The following FRMD3 variants were observed in gnomAD, a reference collection of about 807,000 sequenced individuals.
The protein encoded by FRMD3 is FERM domain containing 3.
Under a neutral mutation model 70.2 loss-of-function variants are expected in FRMD3, and 33 were observed. That is an observed-to-expected ratio of 0.47 (90% CI 0.36 to 0.63). The LOEUF is 0.63. FRMD3 is among the 20% of genes least tolerant of loss of function. The pLI is 0.00. For missense variants in FRMD3, 632 were observed against 711.4 expected (o/e 0.89, Z 1.27); for synonymous variants, 279 against 255.9 (o/e 1.09, Z -0.86).
chr9:83,379,292 A>G (rs1390164843), intron 2 of FRMD3, among the ~76,000 whole-genome samples: 2 of 152,094 alleles, frequency 1.3e-5, no homozygotes, highest in East Asian at 1.9e-4. Context: ...AATAACCACC[A>G]TGATGTGGCA....
chr9:83,531,459 A>G (rs1829790075), intron 1 of FRMD3, among the ~76,000 whole-genome samples: 2 of 152,246 alleles, frequency 1.3e-5, no homozygotes, highest in Admixed American at 6.5e-5. Context: ...TATACTTAAT[A>G]TAAAGAGCTG....
At chr9:83,569,413 C>T in the FRMD3 span, among the ~76,000 whole-genome samples, 1 of 152,192 alleles carries the variant, frequency 6.6e-6, no homozygotes, top group Non-Finnish European at 1.5e-5. Flanking sequence ...GTGTCCCAGC[C>T]CACCCACAGG....
At chr9:83,381,112 G>A (rs1825338378) in intron 2 of FRMD3, among the ~76,000 whole-genome samples, 1 of 152,154 alleles carries the variant, frequency 6.6e-6, no homozygotes, top group East Asian at 1.9e-4. Flanking sequence ...AGATTATAAG[G>A]CTATAGCGAG....
chr9:83,441,048 A>G (rs1045333264), intron 1 of FRMD3, among the ~76,000 whole-genome samples: 2 of 152,172 alleles, frequency 1.3e-5, no homozygotes, highest in Admixed American at 1.3e-4. Context: ...GGTAGCATGC[A>G]AGATAAAGCC....
rs531060161 is a variant in FRMD3, at chr9:83,482,037, T to C, written c.147+56048A>G. Among the ~76,000 whole-genome samples, 34 of 149,828 alleles carry C rather than the reference T, an allele frequency of 2.3e-4. No homozygotes were observed. The South Asian group carries it at 7.0e-3, about 31-fold the overall frequency. ...AAAGGGAAGCCTAACAAATTAGACATAAAACAAAAGAAAACAAAAGACAGC... is the reference window on the plus strand; with the variant it reads ...AAAGGGAAGCCTAACAAATTAGACACAAAACAAAAGAAAACAAAAGACAGC... On this transcript the variant is annotated intron_variant, in intron 1 of 13. Coordinates refer to ENST00000304195, the MANE Select transcript of FRMD3 (RefSeq NM_174938.6).
chr9:83,259,347 G>A (rs1324395907), intron 13 of FRMD3, among the ~76,000 whole-genome samples: 2 of 152,134 alleles, frequency 1.3e-5, no homozygotes, highest in African/African-American at 4.8e-5. Context: ...TCTTTGCTGA[G>A]GATTTAGCAG....
intron 1 of FRMD3, among the ~76,000 whole-genome samples, chr9:83,400,922 G>C (rs1032235047): frequency 4.6e-5 from 7 of 152,100 alleles, no homozygotes; most frequent in African/African-American, 1.7e-4. Flanking sequence ...TCTTAGTATA[G>C]TCTGTGATCT....
intron 1 of FRMD3, among the ~76,000 whole-genome samples, chr9:83,449,200 G>A (rs1298604436): frequency 3.9e-5 from 6 of 152,188 alleles, no homozygotes; most frequent in Non-Finnish European, 7.3e-5. Context: ...TCTGGACTCC[G>A]GTATGTCGCA....
intron 1 of FRMD3, among the ~76,000 whole-genome samples, chr9:83,434,783 C>T (rs1029129255): frequency 1.5e-4 from 22 of 150,378 alleles, no homozygotes; most frequent in African/African-American, 4.9e-4. Flanking sequence ...ACAGAAGATG[C>T]CAACATCTGA....
rs550930173 is a variant in FRMD3 at position 83,341,247 on chromosome 9, G to A, written c.472+1943C>T. ...CATTTGAGAGCCAAAAGGTCTTTTT[G>A]AGGTCTGCCAGTCCATTTCCCACTC... On this transcript the variant is annotated intron_variant, in intron 5 of 13. Transcript: ENST00000304195. Among the ~76,000 whole-genome samples, 104 of 152,228 alleles carry A rather than the reference G, an allele frequency of 6.8e-4. 1 individual carries two copies. Among genetic ancestry groups the A allele is most frequent in the Non-Finnish European group, 1.4e-3 (95 of 68,002 alleles).
chr9:83,553,830 T>A, the FRMD3 span, among the ~76,000 whole-genome samples: 1 of 152,190 alleles, frequency 6.6e-6, no homozygotes, highest in Non-Finnish European at 1.5e-5. Flanking sequence ...TTTGTTCCTA[T>A]CCATATTCTG....
chr9:83,540,816 A>C (rs1437975936), upstream of FRMD3, among the ~76,000 whole-genome samples: 1 of 152,250 alleles, frequency 6.6e-6, no homozygotes, highest in South Asian at 2.1e-4. Context: ...CTCAAAGAAT[A>C]TCTTGTTAAT....
At chr9:83,568,077 G>A in the FRMD3 span, among the ~76,000 whole-genome samples, 1 of 152,186 alleles carries the variant, frequency 6.6e-6, no homozygotes, top group African/African-American at 2.4e-5. Context: ...AGTTCCACAT[G>A]GCTAGGGAGG....
intron 1 of FRMD3, among the ~76,000 whole-genome samples, chr9:83,429,157 T>C (rs1826897689): frequency 6.6e-6 from 1 of 152,190 alleles, no homozygotes; most frequent in African/African-American, 2.4e-5. Context: ...AATAAGCAGT[T>C]AATACTTCTC....
chr9:83,467,839 T>C (rs1828170085), intron 1 of FRMD3: 2 of 1,383,378 alleles, frequency 1.4e-6, no homozygotes, highest in East Asian at 5.1e-5. Flanking sequence ...TCACAGTAAA[T>C]AGGTTGATGG....
At chr9:83,436,109 A>ACCTTCACTCT (rs1161696764) in intron 1 of FRMD3, among the ~76,000 whole-genome samples, 2 of 152,132 alleles carry the variant, frequency 1.3e-5, no homozygotes, top group Non-Finnish European at 2.9e-5. Context: ...CCACAGTCCT[A>ACCTTCACTCT]CCTTCACTCT....
At chr9:83,302,614 C>T (rs879620142) in intron 10 of FRMD3, among the ~76,000 whole-genome samples, 1 of 152,132 alleles carries the variant, frequency 6.6e-6, no homozygotes, top group Non-Finnish European at 1.5e-5. Flanking sequence ...CACCTTCCTC[C>T]CTCCCTAATA....
At chr9:83,379,525 A>G (rs1825291481) in intron 2 of FRMD3, among the ~76,000 whole-genome samples, 1 of 152,170 alleles carries the variant, frequency 6.6e-6, no homozygotes, top group Non-Finnish European at 1.5e-5. Context: ...CTCATTTAGA[A>G]TAAAATTTCC....
intron 6 of FRMD3, among the ~76,000 whole-genome samples, chr9:83,320,265 G>A (rs1835748281): frequency 6.6e-6 from 1 of 152,126 alleles, no homozygotes; most frequent in African/African-American, 2.4e-5. Flanking sequence ...ACTTTATCCT[G>A]TTAAATATGA....
Sources: gnomAD v4.1 joint callset for allele counts (sites outside exome capture counted in the v4.1 genomes callset) on GRCh38, gnomAD v4.1.1 for gene constraint, MANE v1.5 for transcripts, NCBI Gene and HGNC (gene_info 2026-07-23, HGNC 2026-07-21) for gene names.